Variants in SLC25A28 observed in about 807,000 individuals in gnomAD.
SLC25A28 encodes mitoferrin-2.
A neutral mutation model predicts 31.9 loss-of-function variants in SLC25A28; 10 were observed. The ratio of observed to expected loss-of-function variants is 0.31; its 90% confidence interval spans 0.19 to 0.53. The LOEUF is 0.53. SLC25A28 is among the 20% of genes least tolerant of loss of function. The pLI is 0.95. For missense variants in SLC25A28, 256 were observed against 490.3 expected, an observed-to-expected ratio of 0.52 and a Z score of 4.51; for synonymous variants, 208 against 203.6, an observed-to-expected ratio of 1.02 and a Z score of -0.19.
At chr10:99,631,866 G>A in the SLC25A28 span, among the ~76,000 whole-genome samples, 461 of 147,504 alleles carry the variant, frequency 3.1e-3, 5 homozygotes, top group African/African-American at 0.011. Flanking sequence ...TACTGAACAC[G>A]CTCAGTATGT....
intron 1 of SLC25A28, chr10:99,616,813 C>T (rs1490606030): frequency 1.1e-6 from 1 of 928,142 alleles, no homozygotes; most frequent in Non-Finnish European, 1.3e-6. Flanking sequence ...TATATAACTT[C>T]CCTAAGCCTC....
chr10:99,649,030 C>T, the SLC25A28 span, among the ~76,000 whole-genome samples: 130,020 of 152,158 alleles, frequency 0.85, 55,660 homozygotes, highest in Middle Eastern at 0.92. Context: ...ATCCTTGTAT[C>T]GTTCCAGTTA....
At chr10:99,626,487 A>T in the SLC25A28 span, among the ~76,000 whole-genome samples, 33 of 152,220 alleles carry the variant, frequency 2.2e-4, no homozygotes, top group Non-Finnish European at 3.5e-4. Flanking sequence ...AGCCGTTGAA[A>T]CAATTCTTCT....
the SLC25A28 span, among the ~76,000 whole-genome samples, chr10:99,635,214 G>A: frequency 6.6e-6 from 1 of 150,916 alleles, no homozygotes; most frequent in Admixed American, 6.6e-5. Context: ...AAATCACACA[G>A]GACCTATGAA....
Position 99,620,159 on chromosome 10 carries a change from G to T in SLC25A28, c.177C>A (p.Ser59=). 1 of 1,565,112 alleles carries T rather than the reference G, an allele frequency of 6.4e-7. No homozygotes were observed. The highest frequency in any genetic ancestry group is 8.6e-7 in the Non-Finnish European group (1 of 1,163,706). ...CCGGCAGCGCCTCGTAGTCCGGGCC[G>T]GAGTCCGGATCTTGTCGTACCGGGG... The part of the protein sequence containing the change: ...CRPPVRQDPD[S]GPDYEALPAG... The change falls in exon 1 of 4, where the codon TCC becomes TCA. Residue 59 remains serine (S), a synonymous_variant. Coordinates refer to ENST00000370495, the MANE Select transcript of SLC25A28 (RefSeq NM_031212.4).
At chr10:99,654,356 C>T in the SLC25A28 span, among the ~76,000 whole-genome samples, 1 of 152,082 alleles carries the variant, frequency 6.6e-6, no homozygotes, top group Non-Finnish European at 1.5e-5. Context: ...TTATCAAGAA[C>T]CCAGTTTGCT....
the SLC25A28 span, among the ~76,000 whole-genome samples, chr10:99,625,876 C>T: frequency 6.6e-6 from 1 of 152,188 alleles, no homozygotes; most frequent in African/African-American, 2.4e-5. Flanking sequence ...GGTGGCAGAG[C>T]AAAAGTTAGA....
the SLC25A28 span, among the ~76,000 whole-genome samples, chr10:99,629,275 T>A: frequency 1.3e-5 from 2 of 152,174 alleles, no homozygotes; most frequent in African/African-American, 2.4e-5. Context: ...TGTCATATTA[T>A]CTCTGCAGAA....
the SLC25A28 span, among the ~76,000 whole-genome samples, chr10:99,637,900 C>T: frequency 6.5e-3 from 990 of 152,202 alleles, 15 homozygotes; most frequent in African/African-American, 0.023. Flanking sequence ...TCAATGCAAT[C>T]CCCATCAAAA....
At chr10:99,637,532 A>T in the SLC25A28 span, among the ~76,000 whole-genome samples, 2 of 152,190 alleles carry the variant, frequency 1.3e-5, no homozygotes, top group African/African-American at 4.8e-5. Flanking sequence ...TTACCTTGAA[A>T]ACCCTAAAGA....
intron 3 of SLC25A28, 76 bp downstream of exon 3, chr10:99,612,467 G>T (rs2034548921): frequency 6.5e-7 from 1 of 1,534,894 alleles, no homozygotes; most frequent in Non-Finnish European, 9.0e-7. Context: ...CACCAAAACT[G>T]ATGTGCTTTC....
At chr10:99,651,608 T>TTTTTTTTTTTTG in the SLC25A28 span, among the ~76,000 whole-genome samples, 3 of 148,520 alleles carry the variant, frequency 2.0e-5, no homozygotes, top group Admixed American at 6.7e-5. Context: ...TTTTTTTTTT[T>TTTTTTTTTTTTG]GAGGTAGGGT....
chr10:99,624,482 A>G (rs1048108485), upstream of SLC25A28, among the ~76,000 whole-genome samples: 1 of 152,186 alleles, frequency 6.6e-6, no homozygotes, highest in African/African-American at 2.4e-5. Context: ...CCTAACCTGC[A>G]CACAAACCCA....
the SLC25A28 span, among the ~76,000 whole-genome samples, chr10:99,648,932 A>G: frequency 6.6e-6 from 1 of 152,108 alleles, no homozygotes; most frequent in Non-Finnish European, 1.5e-5. Context: ...CTCTTTTCCA[A>G]TTTGGATGCC....
chr10:99,643,839 G>A, the SLC25A28 span, among the ~76,000 whole-genome samples: 1 of 152,170 alleles, frequency 6.6e-6, no homozygotes, highest in Non-Finnish European at 1.5e-5. Flanking sequence ...TAGTCATTCA[G>A]GAGCAGGTTG....
At chr10:99,651,299 C>T in the SLC25A28 span, among the ~76,000 whole-genome samples, 2 of 152,122 alleles carry the variant, frequency 1.3e-5, no homozygotes, top group African/African-American at 4.8e-5. Context: ...TTTTAATTTG[C>T]ATTGCTCTAA....
chr10:99,618,701 C>A (rs994765614), intron 1 of SLC25A28: 6 of 985,350 alleles, frequency 6.1e-6, no homozygotes, highest in Non-Finnish European at 6.0e-6. Flanking sequence ...TGGATATGGC[C>A]CTTGTTAGGA....
chr10:99,615,287 G>A (rs2034620995), intron 1 of SLC25A28, among the ~76,000 whole-genome samples: 1 of 149,462 alleles, frequency 6.7e-6, no homozygotes, highest in South Asian at 2.1e-4. Context: ...TGAGGCGGAG[G>A]TTGTAGTGAG....
intron 1 of SLC25A28, chr10:99,615,927 A>G (rs2034641891): frequency 1.0e-6 from 1 of 985,334 alleles, no homozygotes; most frequent in African/African-American, 1.7e-5. Flanking sequence ...CTCACCCCCA[A>G]GAGAAAACCG....
Sources: gnomAD v4.1 joint callset for allele counts (sites outside exome capture counted in the v4.1 genomes callset) on GRCh38, gnomAD v4.1.1 for gene constraint, MANE v1.5 for transcripts, NCBI Gene and HGNC (gene_info 2026-07-23, HGNC 2026-07-21) for gene names.